PRDM16: variants seen among roughly 807,000 people sequenced by gnomAD.
PRDM16 encodes histone-lysine N-methyltransferase PRDM16.
PRDM16 carries 23 observed loss-of-function variants against 110.6 expected under a neutral mutation model. The observed-to-expected ratio is 0.21, with a 90% CI of 0.15 to 0.29. The LOEUF (loss-of-function observed/expected upper bound fraction) is 0.29. Ranked by LOEUF, PRDM16 falls within the 10% of genes least tolerant of loss-of-function variation. PRDM16 has a pLI of 1.00. For missense variants in PRDM16, 1,615 were observed against 1,794.3 expected (o/e 0.90, Z 1.81); for synonymous variants, 799 against 781.8 (o/e 1.02, Z -0.37).
In PRDM16 at chr1:3,190,832, A is replaced by T. The variant is rs1027784337; in HGVS notation, c.387+4358A>T. Among the ~76,000 whole-genome samples, 1 of 152,348 alleles carries T rather than the reference A, an allele frequency of 6.6e-6. No individual in the cohort carries two copies. The highest frequency in any genetic ancestry group is 1.9e-4 in the East Asian group (1 of 5,186). On this transcript the variant is annotated intron_variant, in intron 2 of 16. Coordinates refer to ENST00000270722, the MANE Select transcript of PRDM16 (RefSeq NM_022114.4). This position sits in a 1 kb window ranked among gnomAD's most constrained non-coding sequence, Gnocchi z 5.0. ...TGTTGAGTAAATCATGACATTTATCATCATGCTGTTTATTTTGCTAATTAA... is the reference window on the plus strand; with the variant it reads ...TGTTGAGTAAATCATGACATTTATCTTCATGCTGTTTATTTTGCTAATTAA...
chr1:3,424,950 C>T (rs912660594), intron 12 of PRDM16: 3 of 152,516 alleles, frequency 2.0e-5, no homozygotes, highest in African/African-American at 7.2e-5. Flanking sequence ...GCCAGGGAGA[C>T]CCAGACAACA....
chr1:3,240,252 C>T (rs1639638711), intron 2 of PRDM16, among the ~76,000 whole-genome samples: 1 of 151,710 alleles, frequency 6.6e-6, no homozygotes, highest in Non-Finnish European at 1.5e-5. Context: ...CCCATCTCTA[C>T]AAAAAATAAA....
At chr1:3,252,542 G>A (rs911265890) in intron 3 of PRDM16, among the ~76,000 whole-genome samples, 1 of 152,172 alleles carries the variant, frequency 6.6e-6, no homozygotes. Context: ...TGGGCCCCTC[G>A]TGGAAGGTGG....
chr1:3,243,378 CAA>C lies in PRDM16; in HGVS notation c.388-699_388-698del, dbSNP rs57900782. On this transcript the variant is annotated intron_variant, in intron 2 of 16. Coordinates refer to ENST00000270722, the MANE Select transcript of PRDM16 (RefSeq NM_022114.4). The surrounding 1 kb of genome is among the most constrained non-coding windows in gnomAD (Gnocchi z 5.5). ...TAAAACACTCCCACCTCTGATTTGC[CAA>C]AAAAAAAAAGAGGAAGCAGAGAAAT... 2.6e-4 allele frequency among the ~76,000 whole-genome samples: 39 copies of C among 149,182 alleles called. No individual in the cohort carries two copies. Among genetic ancestry groups the C allele is most frequent in the Admixed American group, 4.0e-4 (6 of 15,096 alleles).
Position 3,405,421 on chromosome 1 carries a change from T to C in PRDM16, c.1033-74T>C, listed in dbSNP as rs548409318. 6 of 1,458,812 alleles carry C rather than the reference T, an allele frequency of 4.1e-6. No individual in the cohort carries two copies. In the Middle Eastern group the frequency reaches 7.6e-4, roughly 185 times the overall value. 90.4% of individuals were successfully genotyped at this position (1,458,812 alleles called of 1,614,324 possible). A position where few individuals can be genotyped will look rare whatever the true frequency, so the allele number is the denominator to read the frequency against. ...GCAGGGCCCTGCCCCCCACAGCCGG[T>C]TGGTCCGCCAGCCAGAACCAGGCCA... On this transcript the variant is annotated intron_variant, in intron 7 of 16. Coordinates refer to ENST00000270722, the MANE Select transcript of PRDM16 (RefSeq NM_022114.4).
chr1:3,087,120 G>A (rs545508581), intron 1 of PRDM16, among the ~76,000 whole-genome samples: 1 of 152,132 alleles, frequency 6.6e-6, no homozygotes, highest in South Asian at 2.1e-4. Flanking sequence ...GGAGGTGAAG[G>A]GTTAACGTGA....
chr1:3,137,974 G>A (rs374614338), intron 1 of PRDM16, among the ~76,000 whole-genome samples: 4 of 152,194 alleles, frequency 2.6e-5, no homozygotes, highest in East Asian at 1.9e-4. Flanking sequence ...TGGAGGGTCC[G>A]TCCCTGGGCC....
At chr1:3,113,083 A>G (rs1191138794) in intron 1 of PRDM16, among the ~76,000 whole-genome samples, 1 of 152,212 alleles carries the variant, frequency 6.6e-6, no homozygotes. Context: ...AGCCTCTGTG[A>G]TACTGGGGGG....
Position 3,181,125 on chromosome 1 carries a change from C to CGGTCTT in PRDM16, c.38-5000_38-4999insGGTCTT, listed in dbSNP as rs1557508024. Among the ~76,000 whole-genome samples the CGGTCTT allele has an allele frequency of 1.9e-4, 27 of 138,826 alleles. 1 individual carries two copies. The highest frequency in any genetic ancestry group is 6.7e-4 in the African/African-American group (26 of 38,540). The allele number at this position is 138,826 out of a possible 152,430, so 91.1% of individuals were successfully genotyped here. A position where few individuals can be genotyped will look rare whatever the true frequency, so the allele number is the denominator to read the frequency against. On this transcript the variant is annotated intron_variant, in intron 1 of 16. Transcript: ENST00000270722. ...AGTCTTACACGCGGCCTTACACACG[C>CGGTCTT]AGTCTTACACGCGGTCTTACACACG...
intron 1 of PRDM16, among the ~76,000 whole-genome samples, chr1:3,076,449 A>G (rs1374114065): frequency 6.6e-6 from 1 of 152,142 alleles, no homozygotes; most frequent in African/African-American, 2.4e-5. Context: ...AGCCCTTGCT[A>G]GTGGCCGCCG....
chr1:3,300,530 C>T (rs541183154), intron 3 of PRDM16, among the ~76,000 whole-genome samples: 52 of 152,210 alleles, frequency 3.4e-4, no homozygotes, highest in African/African-American at 1.2e-3. Context: ...GTGATGTTTC[C>T]GATCCCAGTC....
intron 2 of PRDM16, among the ~76,000 whole-genome samples, chr1:3,236,028 C>T (rs1215124019): frequency 1.3e-5 from 2 of 152,176 alleles, no homozygotes; most frequent in African/African-American, 4.8e-5. Flanking sequence ...GCACTCTCTC[C>T]TCTCTGGAAA....
At chr1:3,321,635 G>T (rs1333509697) in intron 3 of PRDM16, among the ~76,000 whole-genome samples, 1 of 151,778 alleles carries the variant, frequency 6.6e-6, no homozygotes, top group African/African-American at 2.4e-5. Flanking sequence ...ATATGTGTAT[G>T]TATGTGTGAT....
At chr1:3,200,485 G>C (rs916283341) in intron 2 of PRDM16, among the ~76,000 whole-genome samples, 5 of 152,344 alleles carry the variant, frequency 3.3e-5, no homozygotes, top group Admixed American at 6.5e-5. Flanking sequence ...TGGGACTACA[G>C]GCGCCCGCCA....
intron 12 of PRDM16, among the ~76,000 whole-genome samples, chr1:3,424,492 C>T (rs867760112): frequency 2.6e-5 from 4 of 152,244 alleles, no homozygotes; most frequent in African/African-American, 9.6e-5. Context: ...TGCCTGATGC[C>T]GTGGAGGCCA....
At chr1:3,091,716 G>A (rs959785703) in intron 1 of PRDM16, among the ~76,000 whole-genome samples, 10 of 152,120 alleles carry the variant, frequency 6.6e-5, no homozygotes. Context: ...ACAGCCCTGC[G>A]GGGAGGGGAT....
At chr1:3,099,042 A>G (rs1339494304) in intron 1 of PRDM16, among the ~76,000 whole-genome samples, 2 of 152,212 alleles carry the variant, frequency 1.3e-5, no homozygotes, top group African/African-American at 2.4e-5. Context: ...ATCAAGCCCC[A>G]TCGAGGGGAC....
chr1:3,318,049 C>T (rs1460402552), intron 3 of PRDM16, among the ~76,000 whole-genome samples: 4 of 152,122 alleles, frequency 2.6e-5, no homozygotes, highest in East Asian at 1.9e-4. Context: ...GGCCTGTCCC[C>T]GGAGCATCAC....
chr1:3,378,799 G>A (rs1295831997), intron 3 of PRDM16, among the ~76,000 whole-genome samples: 4 of 152,040 alleles, frequency 2.6e-5, no homozygotes, highest in Non-Finnish European at 4.4e-5. Flanking sequence ...CACCTGCCTG[G>A]CCAGAACCAC....
Sources: gnomAD v4.1 joint callset for allele counts (sites outside exome capture counted in the v4.1 genomes callset) on GRCh38, gnomAD v4.1.1 for gene constraint, Gnocchi (gnomAD v3.1) non-coding constraint, MANE v1.5 for transcripts, NCBI Gene and HGNC (gene_info 2026-07-23, HGNC 2026-07-21) for gene names.